Variants in ARHGAP6 observed in about 807,000 individuals in gnomAD.
ARHGAP6 encodes the protein Rho GTPase activating protein 6.
In ARHGAP6, 16 loss-of-function variants were observed where a neutral mutation model predicts 55.7. The ratio of observed to expected loss-of-function variants is 0.29; its 90% CI spans 0.19 to 0.44. ARHGAP6 has a LOEUF of 0.44. Ranked by LOEUF, ARHGAP6 falls within the 20% of genes least tolerant of loss-of-function variation. ARHGAP6 has a pLI of 1.00. For missense variants in ARHGAP6, 698 were observed against 808.9 expected (o/e 0.86, Z 1.66); for synonymous variants, 382 against 360.9 (o/e 1.06, Z -0.66).
intron 1 of ARHGAP6, among the ~76,000 whole-genome samples, chrX:11,582,331 C>T (rs186511871): frequency 1.2e-4 from 13 of 111,621 alleles, no homozygotes; most frequent in Admixed American, 1.9e-4. Context: ...AGAAGAACCT[C>T]CTATAGAGCA....
chrX:11,276,646 T>A (rs138029526), intron 1 of ARHGAP6, among the ~76,000 whole-genome samples: 1,853 of 111,754 alleles, frequency 0.017, 19 homozygotes, highest in East Asian at 0.05. Flanking sequence ...AAACAAGCCA[T>A]CTGCACTTAC....
At chrX:11,657,814 A>G (rs901987162) in intron 1 of ARHGAP6, among the ~76,000 whole-genome samples, 18 of 111,301 alleles carry the variant, frequency 1.6e-4, no homozygotes, top group Non-Finnish European at 2.6e-4. Context: ...GAGTCAGAGG[A>G]GTGGGAAGAA....
At position 11,513,231 on chromosome X, in the gene ARHGAP6, T is replaced by G. The variant is rs1050332581; in HGVS notation, c.588+151010A>C. On this transcript the variant is annotated intron_variant, in intron 1 of 12. Coordinates refer to ENST00000337414, the MANE Select transcript of ARHGAP6 (RefSeq NM_013427.3). Reference sequence around the variant, plus strand: ...CTACCATTACTGAAAACTCATCATGTTCGAAATCTTAAGTAATCATTCCCT... The same window carrying G: ...CTACCATTACTGAAAACTCATCATGGTCGAAATCTTAAGTAATCATTCCCT... 2.7e-5 allele frequency among the ~76,000 whole-genome samples: 3 copies of G among 111,301 alleles called. No homozygotes were observed. In the Admixed American group the frequency reaches 2.9e-4, roughly 11 times the overall value.
chrX:11,467,138 T>A (rs2050301242), intron 1 of ARHGAP6, among the ~76,000 whole-genome samples: 1 of 111,470 alleles, frequency 9.0e-6, no homozygotes, highest in Admixed American at 9.5e-5. Flanking sequence ...GGACAGTCCT[T>A]CCCATAAAGC....
chrX:11,524,011 CT>C (rs779997196), intron 1 of ARHGAP6, among the ~76,000 whole-genome samples: 144 of 111,750 alleles, frequency 1.3e-3, no homozygotes, highest in African/African-American at 4.4e-3. Flanking sequence ...CAGAATGTAG[CT>C]TATTAGGGTA....
chrX:11,313,289 G>T (rs911531057), intron 1 of ARHGAP6, among the ~76,000 whole-genome samples: 1 of 112,060 alleles, frequency 8.9e-6, no homozygotes, highest in Non-Finnish European at 1.9e-5. Flanking sequence ...TCATCAACGG[G>T]CTTCCATTGC....
intron 1 of ARHGAP6, among the ~76,000 whole-genome samples, chrX:11,359,754 G>T (rs892298925): frequency 9.1e-6 from 1 of 110,427 alleles, no homozygotes; most frequent in Non-Finnish European, 1.9e-5. Context: ...TTGATAGACC[G>T]CTAGCAAGAC....
chrX:11,218,516 G>A (rs770834915), intron 2 of ARHGAP6, among the ~76,000 whole-genome samples: 61 of 111,040 alleles, frequency 5.5e-4, no homozygotes, highest in Non-Finnish European at 7.4e-4. Context: ...TCTGTTGTTC[G>A]GAATAGTTTC....
At chrX:11,628,724 T>C (rs967992676) in intron 1 of ARHGAP6, among the ~76,000 whole-genome samples, 1 of 112,443 alleles carries the variant, frequency 8.9e-6, no homozygotes. Flanking sequence ...AAGTGAGCAA[T>C]GAACAGATCA....
chrX:11,560,385 T>G (rs751329886), intron 1 of ARHGAP6, among the ~76,000 whole-genome samples: 1 of 112,381 alleles, frequency 8.9e-6, no homozygotes. Context: ...GTCAAAGAAT[T>G]TAAAAGCATC....
At chrX:11,576,008 A>T (rs1481069097) in intron 1 of ARHGAP6, among the ~76,000 whole-genome samples, 1 of 112,378 alleles carries the variant, frequency 8.9e-6, no homozygotes, top group Non-Finnish European at 1.9e-5. Flanking sequence ...AAAATGCTGC[A>T]GTAAATTATC....
At chrX:11,418,974 A>G (rs1051313035) in intron 1 of ARHGAP6, among the ~76,000 whole-genome samples, 1 of 112,509 alleles carries the variant, frequency 8.9e-6, no homozygotes, top group African/African-American at 3.2e-5. Context: ...AGGAAATAAA[A>G]TGTTCTGCCC....
intron 2 of ARHGAP6, among the ~76,000 whole-genome samples, chrX:11,225,125 T>C (rs2047028709): frequency 9.0e-6 from 1 of 110,593 alleles, no homozygotes; most frequent in Non-Finnish European, 1.9e-5. Flanking sequence ...CTATCATTGC[T>C]ATTATTATTA....
At chrX:11,555,310 A>C (rs1372432785) in intron 1 of ARHGAP6, among the ~76,000 whole-genome samples, 2 of 111,848 alleles carry the variant, frequency 1.8e-5, no homozygotes, top group Non-Finnish European at 3.8e-5. Flanking sequence ...ATAGGCCACA[A>C]ATACACAAAT....
At chrX:11,320,835 CAT>C (rs1188288576) in intron 1 of ARHGAP6, among the ~76,000 whole-genome samples, 20 of 108,817 alleles carry the variant, frequency 1.8e-4, no homozygotes, top group East Asian at 2.9e-4. Context: ...CACACACACA[CAT>C]ATATAAACGC....
chrX:11,285,059 G>C (rs1246978008), intron 1 of ARHGAP6, among the ~76,000 whole-genome samples: 1 of 111,224 alleles, frequency 9.0e-6, no homozygotes, highest in Non-Finnish European at 1.9e-5. Flanking sequence ...TTCCTGAGTT[G>C]CTGTTTGGTC....
At chrX:11,361,959 C>G (rs1360743831) in intron 1 of ARHGAP6, among the ~76,000 whole-genome samples, 6 of 111,922 alleles carry the variant, frequency 5.4e-5, no homozygotes, top group African/African-American at 1.9e-4. Context: ...AATGAGATAC[C>G]ATCTCACACC....
In ARHGAP6 at chrX:11,418,554, A is replaced by G. The variant is rs192361545; in HGVS notation, c.589-163847T>C. Among the ~76,000 whole-genome samples, 6 of 112,375 alleles carry G rather than the reference A, an allele frequency of 5.3e-5. No individual in the cohort carries two copies. In the East Asian group the frequency reaches 1.1e-3, roughly 21 times the overall value. ...GAAAAAAAATCTAATTGTAGTCTAT[A>G]TTAATACATTTACATATTTTGAATT... On this transcript the variant is annotated intron_variant, in intron 1 of 12. Coordinates refer to ENST00000337414, the MANE Select transcript of ARHGAP6 (RefSeq NM_013427.3).
At chrX:11,220,611 T>C (rs1401888155) in intron 2 of ARHGAP6, among the ~76,000 whole-genome samples, 2 of 109,886 alleles carry the variant, frequency 1.8e-5, no homozygotes, top group Non-Finnish European at 3.8e-5. Flanking sequence ...CAGGCCTGCC[T>C]TACAAGAGCT....
Sources: gnomAD v4.1 joint callset for allele counts (sites outside exome capture counted in the v4.1 genomes callset) on GRCh38, gnomAD v4.1.1 for gene constraint, MANE v1.5 for transcripts, NCBI Gene and HGNC (gene_info 2026-07-23, HGNC 2026-07-21) for gene names.